ADAM23: variants seen among roughly 807,000 people sequenced by gnomAD.
ADAM23 encodes disintegrin and metalloproteinase domain-containing protein 23.
In ADAM23, 33 loss-of-function variants were observed where a neutral mutation model predicts 120.1. The observed-to-expected ratio is 0.27, with a 90% CI of 0.21 to 0.37. The LOEUF is 0.37. ADAM23 is among the 10% of genes least tolerant of loss of function. The probability of loss-of-function intolerance (pLI) is 1.00; values close to 1 mark genes in which losing one functional copy is unlikely to be tolerated. For missense variants in ADAM23, 862 were observed against 1,058.2 expected (o/e 0.81, Z 2.57); for synonymous variants, 367 against 375.2 (o/e 0.98, Z 0.25).
chr2:206,444,146 C>T, intron 1 of ADAM23, 66 bp downstream of exon 1: 2 of 1,180,848 alleles, frequency 1.7e-6, no homozygotes. Context: ...AAGCGAAGGG[C>T]GCGCGGGTCC....
intron 3 of ADAM23, among the ~76,000 whole-genome samples, chr2:206,501,790 A>G (rs1696392496): frequency 1.3e-5 from 2 of 152,118 alleles, no homozygotes; most frequent in South Asian, 2.1e-4. Context: ...TGATTTACAA[A>G]TGAATTGAAG....
At chr2:206,535,903 T>C (rs186313965) in intron 4 of ADAM23, among the ~76,000 whole-genome samples, 52 of 152,260 alleles carry the variant, frequency 3.4e-4, no homozygotes, top group Middle Eastern at 3.4e-3. Context: ...GGGATAGTTA[T>C]ACAACTCTGT....
At chr2:206,489,438 A>G (rs1421575258) in intron 3 of ADAM23, among the ~76,000 whole-genome samples, 5 of 152,156 alleles carry the variant, frequency 3.3e-5, no homozygotes, top group African/African-American at 4.8e-5. Flanking sequence ...TCTGGGCCTT[A>G]GTCCGAAGGA....
chr2:206,567,629 C>T (rs897978315), intron 15 of ADAM23, among the ~76,000 whole-genome samples: 1 of 151,912 alleles, frequency 6.6e-6, no homozygotes, highest in Non-Finnish European at 1.5e-5. Flanking sequence ...AGATTTTTAC[C>T]CTGCTGCTAA....
chr2:206,508,760 T>C (rs1316513624), intron 3 of ADAM23, among the ~76,000 whole-genome samples: 2 of 152,084 alleles, frequency 1.3e-5, no homozygotes, highest in Non-Finnish European at 1.5e-5. Flanking sequence ...ATAGCATGCA[T>C]TGAGGTACCT....
chr2:206,452,107 C>T (rs1331109362), intron 2 of ADAM23, among the ~76,000 whole-genome samples: 1 of 152,172 alleles, frequency 6.6e-6, no homozygotes, highest in African/African-American at 2.4e-5. Context: ...TAGGGAGTAA[C>T]CCACCTACAG....
chr2:206,555,170 T>C (rs972519601), intron 9 of ADAM23, among the ~76,000 whole-genome samples: 2 of 152,170 alleles, frequency 1.3e-5, no homozygotes, highest in African/African-American at 2.4e-5. Context: ...TGTGCTCATA[T>C]ACAGAACTGC....
intron 3 of ADAM23, among the ~76,000 whole-genome samples, chr2:206,524,801 A>G (rs1474203665): frequency 1.3e-5 from 2 of 152,222 alleles, no homozygotes. Flanking sequence ...TATGGGAGCT[A>G]CAATTCAAGA....
At chr2:206,540,386 C>T (rs576714624) in intron 4 of ADAM23, among the ~76,000 whole-genome samples, 4 of 152,020 alleles carry the variant, frequency 2.6e-5, no homozygotes, top group Non-Finnish European at 5.9e-5. Context: ...ATGTGGTTTC[C>T]ACAGGGCCGA....
chr2:206,603,112 C>CA (rs981525230), intron 24 of ADAM23, among the ~76,000 whole-genome samples: 9 of 146,598 alleles, frequency 6.1e-5, no homozygotes, highest in African/African-American at 1.3e-4. Flanking sequence ...GTTCCTTGAA[C>CA]AAAAAAAAAG....
At chr2:206,481,424 TA>T in intron 3 of ADAM23, 116 bp downstream of exon 3, 1 of 672,636 alleles carries the variant, frequency 1.5e-6, no homozygotes, top group South Asian at 3.2e-5. Context: ...AGCAGATTAT[TA>T]TAGAGCATGT....
intron 3 of ADAM23, among the ~76,000 whole-genome samples, chr2:206,522,236 CTT>C (rs1696858847): frequency 6.6e-6 from 1 of 151,816 alleles, no homozygotes; most frequent in Non-Finnish European, 1.5e-5. Flanking sequence ...TTAGTAGAAA[CTT>C]TTCCCCCTAG....
chr2:206,595,194 C>T (rs965767904), intron 23 of ADAM23, among the ~76,000 whole-genome samples: 1 of 152,016 alleles, frequency 6.6e-6, no homozygotes, highest in Non-Finnish European at 1.5e-5. Flanking sequence ...ACAACAACAA[C>T]AAAAAAGGCC....
intron 2 of ADAM23, among the ~76,000 whole-genome samples, chr2:206,456,452 A>G (rs1436482365): frequency 6.6e-6 from 1 of 152,068 alleles, no homozygotes; most frequent in Non-Finnish European, 1.5e-5. Flanking sequence ...TGGACTGGTG[A>G]CTATGAGAGC....
intron 3 of ADAM23, among the ~76,000 whole-genome samples, chr2:206,491,286 G>A (rs1476004849): frequency 6.6e-6 from 1 of 152,146 alleles, no homozygotes; most frequent in East Asian, 1.9e-4. Flanking sequence ...TCTGGGAGAT[G>A]AGAAAACTGG....
At chr2:206,614,236 T>C (rs1698890311) in intron 25 of ADAM23, among the ~76,000 whole-genome samples, 1 of 152,262 alleles carries the variant, frequency 6.6e-6, no homozygotes, top group Admixed American at 6.5e-5. Flanking sequence ...TTAAAAGCTC[T>C]TCTGAGCCTG....
chr2:206,586,053 G>A (rs185659368), intron 18 of ADAM23, among the ~76,000 whole-genome samples: 145 of 152,242 alleles, frequency 9.5e-4, no homozygotes, highest in Non-Finnish European at 1.3e-3. Context: ...GAGCGACAAC[G>A]GGAAAGCAAA....
At position 206,561,114 on chromosome 2, in the gene ADAM23, T is replaced by C. The variant is rs780037155; in HGVS notation, c.1170-14T>C. 6.2e-7 allele frequency: 1 copy of C among 1,613,832 alleles called. No individual in the cohort carries two copies. The highest frequency in any genetic ancestry group is 1.7e-5 in the Admixed American group (1 of 60,020). ...CACCACGTTGGTTTTCTGATAGCAC[T>C]GCTTTTTCTTAAGGCGGGTGACATT... On this transcript the variant is annotated splice_polypyrimidine_tract_variant and intron_variant, in intron 11 of 25. Transcript: ENST00000264377.
At chr2:206,491,451 G>A (rs1406878886) in intron 3 of ADAM23, among the ~76,000 whole-genome samples, 2 of 152,196 alleles carry the variant, frequency 1.3e-5, no homozygotes, top group Non-Finnish European at 2.9e-5. Context: ...GACATCTCTA[G>A]TGAGTCAGGA....
Sources: gnomAD v4.1 joint callset for allele counts (sites outside exome capture counted in the v4.1 genomes callset) on GRCh38, gnomAD v4.1.1 for gene constraint, MANE v1.5 for transcripts, NCBI Gene and HGNC (gene_info 2026-07-23, HGNC 2026-07-21) for gene names.